Variants in SLC35F3 observed in about 807,000 individuals in gnomAD.
SLC35F3 encodes the protein solute carrier family 35 member F3.
In SLC35F3, 25 loss-of-function variants were observed where a neutral mutation model predicts 49.9. That is an observed-to-expected ratio of 0.50 (90% confidence interval 0.37 to 0.70). SLC35F3 has a LOEUF of 0.70. Ranked by LOEUF, SLC35F3 falls within the 30% of genes least tolerant of loss-of-function variation. SLC35F3 has a pLI of 0.00. For missense variants in SLC35F3, 525 were observed against 639.8 expected, an observed-to-expected ratio of 0.82 and a Z score of 1.94; for synonymous variants, 275 against 265.4, an observed-to-expected ratio of 1.04 and a Z score of -0.35.
At chr1:234,308,912 A>C (rs965430113) in intron 3 of SLC35F3, among the ~76,000 whole-genome samples, 189 bp from the exon 4 acceptor site, 1 of 152,126 alleles carries the variant, frequency 6.6e-6, no homozygotes, top group Non-Finnish European at 1.5e-5. Flanking sequence ...TCACTGTGCA[A>C]CATTTGTTTC....
Position 234,071,500 on chromosome 1 carries a change from T to C in SLC35F3, c.284-159917T>C, listed in dbSNP as rs570348089. 2.6e-5 allele frequency among the ~76,000 whole-genome samples: 4 copies of C among 152,286 alleles called. No individual in the cohort carries two copies. In the South Asian group the frequency reaches 6.2e-4, roughly 24 times the overall value. Reference sequence around the variant, plus strand: ...GACAGTCCTTACGTGACCAAATTCATGTGTTTCCAAATCTTTGCCATTTCT... The same window carrying C: ...GACAGTCCTTACGTGACCAAATTCACGTGTTTCCAAATCTTTGCCATTTCT... On this transcript the variant is annotated intron_variant, in intron 2 of 7. Transcript: ENST00000366618.
intron 2 of SLC35F3, among the ~76,000 whole-genome samples, chr1:234,130,284 A>C (rs951278370): frequency 6.6e-6 from 1 of 152,198 alleles, no homozygotes; most frequent in African/African-American, 2.4e-5. Context: ...TGTTGCTATC[A>C]GGGAAATTCA....
intron 2 of SLC35F3, among the ~76,000 whole-genome samples, chr1:234,025,493 C>G (rs549279605): frequency 6.6e-6 from 1 of 152,286 alleles, no homozygotes; most frequent in South Asian, 2.1e-4. Flanking sequence ...TGTTTTTTGA[C>G]ATTTTAATAA....
chr1:234,180,567 T>A (rs16842714), intron 2 of SLC35F3, among the ~76,000 whole-genome samples: 1 of 152,108 alleles, frequency 6.6e-6, no homozygotes, highest in Non-Finnish European at 1.5e-5. Context: ...TTAGGAGAGA[T>A]CATGTCGCTA....
At chr1:234,130,485 A>AG (rs1665718211) in intron 2 of SLC35F3, among the ~76,000 whole-genome samples, 1 of 151,086 alleles carries the variant, frequency 6.6e-6, no homozygotes, top group African/African-American at 2.4e-5. Flanking sequence ...AAAAAAAAAA[A>AG]AAAATTAGCC....
chr1:234,280,630 C>T (rs1668307916), intron 3 of SLC35F3, among the ~76,000 whole-genome samples: 1 of 152,160 alleles, frequency 6.6e-6, no homozygotes, highest in African/African-American at 2.4e-5. Flanking sequence ...TGGGATGATT[C>T]TCCCAAGGTC....
chr1:234,210,136 G>C (rs1046126492), intron 2 of SLC35F3, among the ~76,000 whole-genome samples: 5 of 152,118 alleles, frequency 3.3e-5, no homozygotes, highest in East Asian at 1.9e-4. Context: ...CCCTGCACAA[G>C]CTCTCTCTTT....
At chr1:234,245,393 A>G (rs561413643) in intron 3 of SLC35F3, among the ~76,000 whole-genome samples, 2 of 152,298 alleles carry the variant, frequency 1.3e-5, no homozygotes, top group South Asian at 2.1e-4. Context: ...AGTTGATTCC[A>G]TATCTTGGCT....
At chr1:233,964,773 A>T (rs1205364954) in intron 2 of SLC35F3, among the ~76,000 whole-genome samples, 1 of 152,186 alleles carries the variant, frequency 6.6e-6, no homozygotes, top group African/African-American at 2.4e-5. Flanking sequence ...TGCCATGCTG[A>T]TGAGTTCCTT....
intron 2 of SLC35F3, among the ~76,000 whole-genome samples, chr1:234,075,712 T>A (rs1664780939): frequency 6.6e-6 from 1 of 152,126 alleles, no homozygotes; most frequent in Non-Finnish European, 1.5e-5. Flanking sequence ...CCCAATTCAC[T>A]GCCAAAAGGA....
At chr1:233,950,991 C>T (rs1468860548) in intron 2 of SLC35F3, among the ~76,000 whole-genome samples, 3 of 152,022 alleles carry the variant, frequency 2.0e-5, no homozygotes, top group African/African-American at 7.3e-5. Flanking sequence ...CTAATCAACA[C>T]ACTTCTCCCT....
At chr1:233,988,926 G>A (rs1268901146) in intron 2 of SLC35F3, among the ~76,000 whole-genome samples, 1 of 152,098 alleles carries the variant, frequency 6.6e-6, no homozygotes, top group Non-Finnish European at 1.5e-5. Context: ...TCATGGTGGT[G>A]GAAAGCAAAG....
chr1:233,959,248 T>G lies in SLC35F3; in HGVS notation c.283+53490T>G, dbSNP rs1322846685. 2.6e-5 allele frequency among the ~76,000 whole-genome samples: 4 copies of G among 151,612 alleles called. No individual in the cohort carries two copies. In the East Asian group the frequency reaches 5.8e-4, roughly 22 times the overall value. On this transcript the variant is annotated intron_variant, in intron 2 of 7. Transcript: ENST00000366618. The stretch of plus-strand genomic sequence containing the variant: ...GTTACTTATCACTGATTTAGGTGTT[T>G]TTTTTTTTAAAGGAGGCAGCTTAGT...
Position 234,254,825 on chromosome 1 carries a change from A to G in SLC35F3, c.608+23084A>G, listed in dbSNP as rs190113806. Among the ~76,000 whole-genome samples the G allele has an allele frequency of 3.3e-3, 504 of 152,344 alleles. 5 individuals carry two copies. The highest frequency in any genetic ancestry group is 0.014 in the South Asian group (67 of 4,834). ...CTAGAAGCAAGCATAATTTCTTTAT[A>G]AAAATATGCCAAATCAGCTGAGAAA... On this transcript the variant is annotated intron_variant, in intron 3 of 7. Coordinates refer to ENST00000366618, the MANE Select transcript of SLC35F3 (RefSeq NM_173508.4).
intron 2 of SLC35F3, among the ~76,000 whole-genome samples, chr1:234,098,832 G>A (rs74196827): frequency 0.022 from 3,270 of 147,490 alleles, 45 homozygotes; most frequent in Admixed American, 0.041. Flanking sequence ...GATGGAGGTG[G>A]TGACTATGTT....
At chr1:234,265,302 A>C (rs961358110) in intron 3 of SLC35F3, among the ~76,000 whole-genome samples, 4 of 151,488 alleles carry the variant, frequency 2.6e-5, no homozygotes, top group African/African-American at 9.7e-5. Context: ...CAGGCCAAAA[A>C]TCTCAGCATT....
Position 234,113,855 on chromosome 1 carries a change from C to T in SLC35F3, c.284-117562C>T, listed in dbSNP as rs117354557. 1.4e-3 allele frequency among the ~76,000 whole-genome samples: 214 copies of T among 152,272 alleles called. 5 individuals carry two copies. In the East Asian group the frequency reaches 0.036, roughly 26 times the overall value. On this transcript the variant is annotated intron_variant, in intron 2 of 7. Coordinates refer to ENST00000366618, the MANE Select transcript of SLC35F3 (RefSeq NM_173508.4). Reference sequence around the variant, plus strand: ...TCCAGCCTGGGCAGCAAGAGCAGAACGCCATCTCCAAAATAAAAAAATAAG... The same window carrying T: ...TCCAGCCTGGGCAGCAAGAGCAGAATGCCATCTCCAAAATAAAAAAATAAG...
At chr1:234,155,398 T>TG (rs59320767) in intron 2 of SLC35F3, among the ~76,000 whole-genome samples, 1 of 145,128 alleles carries the variant, frequency 6.9e-6, no homozygotes, top group Non-Finnish European at 1.5e-5. Context: ...TTCACCTGAT[T>TG]ATTATTATTA....
chr1:234,271,889 C>T (rs999327574), intron 3 of SLC35F3, among the ~76,000 whole-genome samples: 7 of 152,012 alleles, frequency 4.6e-5, no homozygotes, highest in Admixed American at 2.0e-4. Context: ...CTTTGGGAGG[C>T]GAAGGTGGGT....
Sources: gnomAD v4.1 joint callset for allele counts (sites outside exome capture counted in the v4.1 genomes callset) on GRCh38, gnomAD v4.1.1 for gene constraint, MANE v1.5 for transcripts, NCBI Gene and HGNC (gene_info 2026-07-23, HGNC 2026-07-21) for gene names.